Variants in ANK1 observed in about 807,000 individuals in gnomAD.
ANK1 encodes the protein ankyrin 1, also known as ankyrin-1.
A neutral mutation model predicts 210.4 loss-of-function variants in ANK1; 51 were observed. The ratio of observed to expected loss-of-function variants is 0.24; its 90% CI spans 0.19 to 0.31. The LOEUF is 0.31. Among genes scored for constraint, ANK1 ranks in the 10% least tolerant of loss-of-function variants. The pLI is 1.00. For missense variants in ANK1, 2,051 were observed against 2,504.4 expected, an observed-to-expected ratio of 0.82 and a Z score of 3.86; for synonymous variants, 967 against 1,025.9, an observed-to-expected ratio of 0.94 and a Z score of 1.10.
At chr8:41,737,534 C>T (rs1004445263) in intron 2 of ANK1, among the ~76,000 whole-genome samples, 7 of 152,222 alleles carry the variant, frequency 4.6e-5, no homozygotes, top group African/African-American at 1.7e-4. Flanking sequence ...AGACCCTCGC[C>T]ATGCAAGGGG....
chr8:41,696,967 A>G (rs867469211), intron 24 of ANK1, among the ~76,000 whole-genome samples, 194 bp from the exon 25 acceptor site: 4 of 151,850 alleles, frequency 2.6e-5, no homozygotes, highest in South Asian at 2.1e-4. Context: ...GCTTCCTCCC[A>G]CCTCCATGCC....
At chr8:41,852,340 G>A (rs537013566) in intron 1 of ANK1, among the ~76,000 whole-genome samples, 30 of 152,336 alleles carry the variant, frequency 2.0e-4, no homozygotes, top group Middle Eastern at 3.4e-3. Flanking sequence ...GGAACATGCG[G>A]GCCGAAGCGG....
intron 1 of ANK1, among the ~76,000 whole-genome samples, chr8:41,856,821 A>G (rs1325245944): frequency 1.3e-5 from 2 of 151,906 alleles, no homozygotes; most frequent in African/African-American, 4.8e-5. Context: ...TGCATAAGGA[A>G]CACTCAACCT....
At chr8:41,863,783 C>T (rs576504620) in intron 1 of ANK1, among the ~76,000 whole-genome samples, 10 of 152,258 alleles carry the variant, frequency 6.6e-5, no homozygotes, top group African/African-American at 1.4e-4. Flanking sequence ...GTGCTGGGGC[C>T]GGGAACAGAG....
chr8:41,697,876 A>G, intron 24 of ANK1, 167 bp downstream of exon 24: 3 of 732,792 alleles, frequency 4.1e-6, no homozygotes, highest in Admixed American at 2.0e-5. Context: ...AGCGCCACCA[A>G]TGTTGCACCA....
chr8:41,693,417 CTTTTTTTTTTTTTTTTTTTT>C (rs71239074), intron 29 of ANK1, among the ~76,000 whole-genome samples: 3 of 45,234 alleles, frequency 6.6e-5, no homozygotes, highest in Admixed American at 3.4e-4. Context: ...GGGGCATGGA[CTTTTTTTTTTTTTTTTTTTT>C]TTTTTTTTTT....
chr8:41,765,226 C>T (rs1023555434), intron 1 of ANK1, among the ~76,000 whole-genome samples: 34 of 141,270 alleles, frequency 2.4e-4, no homozygotes, highest in South Asian at 2.3e-4. Flanking sequence ...CTTTCTTTTT[C>T]TCTCTCTCTC....
intron 17 of ANK1, 115 bp downstream of exon 17, chr8:41,708,663 G>A: frequency 8.6e-7 from 1 of 1,163,930 alleles, no homozygotes; most frequent in Non-Finnish European, 1.3e-6. Flanking sequence ...GCTGTTCCAA[G>A]GATTACACAC....
rs1216211542 is a variant in ANK1, at chr8:41,654,437, CT to C, written c.*1352del. 1 of 152,664 alleles carries C rather than the reference CT, an allele frequency of 6.6e-6. No homozygotes were observed. Among genetic ancestry groups the C allele is most frequent in the East Asian group, 1.9e-4 (1 of 5,170 alleles). The allele number at this position is 152,664 out of a possible 1,614,324, so 9.5% of individuals were successfully genotyped here. ...ACAGGGGCTGGGCAGAGGGGAGGCA[CT>C]GAGGCAGGACAGGGAACAGCCTCGA... On this transcript the variant is annotated 3_prime_UTR_variant, in exon 43 of 43. Transcript: ENST00000289734.
intron 1 of ANK1, among the ~76,000 whole-genome samples, chr8:41,784,646 C>T (rs9886512): frequency 6.6e-6 from 1 of 152,036 alleles, no homozygotes; most frequent in Non-Finnish European, 1.5e-5. Context: ...CTTCCACAAA[C>T]GTTTTTATCT....
chr8:41,773,485 T>C (rs1209115660), intron 1 of ANK1, among the ~76,000 whole-genome samples: 1 of 152,158 alleles, frequency 6.6e-6, no homozygotes, highest in African/African-American at 2.4e-5. Flanking sequence ...TGGGATCAGA[T>C]ATTGACTGTC....
intron 1 of ANK1, among the ~76,000 whole-genome samples, chr8:41,759,471 A>G (rs1839942952): frequency 6.6e-6 from 1 of 152,118 alleles, no homozygotes; most frequent in Middle Eastern, 3.2e-3. Context: ...GCACCACTCC[A>G]CTCCAGCCTG....
In ANK1 at chr8:41,696,038, G is replaced by GAGTT. The variant is rs543698963; in HGVS notation, c.2960+321_2960+324dup. On this transcript the variant is annotated intron_variant, in intron 26 of 42. Coordinates refer to ENST00000289734, the MANE Select transcript of ANK1 (RefSeq NM_000037.4). Reference sequence around the variant, plus strand: ...GTCTCTAGTGTCACACAATATTTAAGAGTTGTTTTTTTGGTTTTGCTTTTT... The same window carrying GAGTT: ...GTCTCTAGTGTCACACAATATTTAAGAGTTAGTTGTTTTTTTGGTTTTGCTTTTT... 6.0e-4 allele frequency among the ~76,000 whole-genome samples: 92 copies of GAGTT among 152,354 alleles called. 1 individual carries two copies. The highest frequency in any genetic ancestry group is 2.1e-3 in the African/African-American group (86 of 41,582).
In ANK1 at chr8:41,886,026, G is replaced by A. The variant is rs141572447; in HGVS notation, c.126+10329C>T. Among the ~76,000 whole-genome samples the A allele has an allele frequency of 4.4e-3, 670 of 152,330 alleles. 3 individuals carry two copies. The highest frequency in any genetic ancestry group is 6.8e-3 in the Middle Eastern group (2 of 294). ...GCATTTAAATTAATAAATACAAGGTGAGAATTTAGCCAGGTGGGACAGGAC... is the reference window on the plus strand; with the variant it reads ...GCATTTAAATTAATAAATACAAGGTAAGAATTTAGCCAGGTGGGACAGGAC... On this transcript the variant is annotated intron_variant, in intron 1 of 42. Transcript: ENST00000265709.
At chr8:41,821,376 C>G (rs1331128330) in intron 1 of ANK1, among the ~76,000 whole-genome samples, 1 of 152,036 alleles carries the variant, frequency 6.6e-6, no homozygotes, top group Non-Finnish European at 1.5e-5. Context: ...CTTTGTTGTA[C>G]TATAGTTATC....
chr8:41,864,206 C>T (rs910285556), intron 1 of ANK1, among the ~76,000 whole-genome samples: 14 of 148,502 alleles, frequency 9.4e-5, no homozygotes, highest in Admixed American at 3.4e-4. Context: ...GCCGAGATCA[C>T]GCCACTGCAC....
At position 41,654,927 on chromosome 8, in the gene ANK1, G is replaced by T. The variant is rs1437867394; in HGVS notation, c.*863C>A. 1 of 152,572 alleles carries T rather than the reference G, an allele frequency of 6.6e-6. No individual in the cohort carries two copies. The highest frequency in any genetic ancestry group is 1.9e-4 in the East Asian group (1 of 5,190). 9.5% of individuals were successfully genotyped at this position (152,572 alleles called of 1,614,324 possible). ...TTGAGTCCTACAGGTAAGCCTGGGG[G>T]TCCTCGCCTCAGATTCTTAAGTCCC... On this transcript the variant is annotated 3_prime_UTR_variant, in exon 43 of 43. Transcript: ENST00000289734.
At chr8:41,751,433 A>G (rs1262162878) in intron 2 of ANK1, among the ~76,000 whole-genome samples, 1 of 152,174 alleles carries the variant, frequency 6.6e-6, no homozygotes, top group Non-Finnish European at 1.5e-5. Context: ...GAGCCTTAAG[A>G]GAGGTACTGA....
intron 1 of ANK1, among the ~76,000 whole-genome samples, chr8:41,886,632 G>A (rs1325432268): frequency 6.6e-6 from 1 of 152,208 alleles, no homozygotes; most frequent in Non-Finnish European, 1.5e-5. Context: ...TGATGTTGGA[G>A]GCCAAGGATG....
Sources: allele counts gnomAD v4.1 joint callset (sites outside exome capture counted in the v4.1 genomes callset), GRCh38; gene constraint gnomAD v4.1.1; transcripts MANE v1.5; gene names NCBI Gene and HGNC (gene_info 2026-07-23, HGNC 2026-07-21).